The following THSD7B variants were observed in gnomAD, a reference collection of about 807,000 sequenced individuals.
THSD7B encodes thrombospondin type-1 domain-containing protein 7B.
THSD7B carries 138 observed loss-of-function variants against 213.6 expected under a neutral mutation model. The ratio of observed to expected loss-of-function variants is 0.65; its 90% confidence interval spans 0.56 to 0.74. The LOEUF is 0.74. THSD7B is among the 30% of genes least tolerant of loss of function. The probability of loss-of-function intolerance (pLI) is 0.00; values close to 1 mark genes in which losing one functional copy is unlikely to be tolerated. For missense variants in THSD7B, 1,931 were observed against 1,991.5 expected (o/e 0.97, Z 0.58); for synonymous variants, 742 against 687.0 (o/e 1.08, Z -1.25).
intron 14 of THSD7B, among the ~76,000 whole-genome samples, chr2:137,448,090 T>C (rs1687576144): frequency 6.6e-6 from 1 of 152,210 alleles, no homozygotes; most frequent in Non-Finnish European, 1.5e-5. Flanking sequence ...AAGAGCTGTC[T>C]GTGGAATCAG....
intron 2 of THSD7B, among the ~76,000 whole-genome samples, chr2:136,976,047 A>G (rs1054602512): frequency 6.6e-6 from 1 of 152,140 alleles, no homozygotes; most frequent in African/African-American, 2.4e-5. Flanking sequence ...GTATCCTGAG[A>G]CTTTGCTGAA....
chr2:137,371,992 C>T (rs1385844518), intron 12 of THSD7B, among the ~76,000 whole-genome samples: 7 of 152,162 alleles, frequency 4.6e-5, no homozygotes, highest in Admixed American at 2.6e-4. Flanking sequence ...GGTAATCCTT[C>T]GGTTTCTGTT....
At chr2:137,529,468 A>T in intron 15 of THSD7B, among the ~76,000 whole-genome samples, 1 of 150,674 alleles carries the variant, frequency 6.6e-6, no homozygotes, top group Non-Finnish European at 1.5e-5. Flanking sequence ...GGGAGGCCTC[A>T]TAAAGAAGGT....
At chr2:136,913,967 C>T (rs1684309157) in intron 2 of THSD7B, among the ~76,000 whole-genome samples, 1 of 152,176 alleles carries the variant, frequency 6.6e-6, no homozygotes, top group African/African-American at 2.4e-5. Context: ...AATTGTAGAT[C>T]CACTGACAGC....
chr2:137,400,090 T>C (rs2104995321), intron 12 of THSD7B, among the ~76,000 whole-genome samples: 1 of 152,302 alleles, frequency 6.6e-6, no homozygotes, highest in East Asian at 1.9e-4. Context: ...TTCATTCATA[T>C]CCTAAATTGA....
chr2:136,881,944 A>G (rs1276604532), intron 1 of THSD7B, among the ~76,000 whole-genome samples, 200 bp from the exon 2 acceptor site: 1 of 152,178 alleles, frequency 6.6e-6, no homozygotes, highest in East Asian at 1.9e-4. Context: ...CTTCACTACA[A>G]AAAATAATAC....
intron 12 of THSD7B, among the ~76,000 whole-genome samples, chr2:137,388,213 T>C (rs914827794): frequency 1.4e-4 from 22 of 152,162 alleles, no homozygotes; most frequent in African/African-American, 5.1e-4. Flanking sequence ...CCAGGGCTCA[T>C]GTACTAAGTG....
chr2:137,513,433 A>T (rs910808415), intron 15 of THSD7B, among the ~76,000 whole-genome samples: 1 of 152,222 alleles, frequency 6.6e-6, no homozygotes, highest in African/African-American at 2.4e-5. Context: ...GGCTTGATCA[A>T]TGAGGCATAA....
intron 2 of THSD7B, among the ~76,000 whole-genome samples, chr2:137,017,673 G>C (rs561186346): frequency 1.3e-5 from 2 of 152,188 alleles, no homozygotes; most frequent in South Asian, 4.2e-4. Context: ...ATCCCTTATG[G>C]TCTGTCACTC....
chr2:137,658,757 G>A (rs1417615131), intron 24 of THSD7B, among the ~76,000 whole-genome samples: 2 of 152,208 alleles, frequency 1.3e-5, no homozygotes, highest in Non-Finnish European at 2.9e-5. Flanking sequence ...GAATTTAGCT[G>A]CTTCATTCCC....
chr2:137,479,651 G>C (rs924562317), intron 15 of THSD7B, among the ~76,000 whole-genome samples: 1 of 152,164 alleles, frequency 6.6e-6, no homozygotes, highest in Admixed American at 6.5e-5. Flanking sequence ...GGGATAGTGG[G>C]GGTTGCTGCC....
chr2:136,827,975 G>T (rs72977520), intron 1 of THSD7B, among the ~76,000 whole-genome samples: 12,620 of 151,980 alleles, frequency 0.083, 660 homozygotes, highest in East Asian at 0.2. Context: ...TGTATGTCTT[G>T]TTTGTGTCTG....
At chr2:137,073,337 A>G (rs1376164033) in intron 3 of THSD7B, among the ~76,000 whole-genome samples, 8 of 151,942 alleles carry the variant, frequency 5.3e-5, no homozygotes, top group African/African-American at 1.7e-4. Context: ...TCTTGGGAGG[A>G]TGTATGTGTC....
intron 12 of THSD7B, among the ~76,000 whole-genome samples, chr2:137,290,280 A>G (rs888127534): frequency 6.6e-6 from 1 of 151,996 alleles, no homozygotes. Context: ...TAGTAGAGAA[A>G]GGGTTTCACC....
intron 4 of THSD7B, among the ~76,000 whole-genome samples, chr2:137,114,313 G>A (rs899910106): frequency 4.6e-5 from 7 of 152,100 alleles, no homozygotes; most frequent in Admixed American, 1.3e-4. Context: ...TAAAGAATAC[G>A]GTAATAATCC....
At position 137,242,504 on chromosome 2, in the gene THSD7B, C is replaced by T. The variant is rs747661487; in HGVS notation, c.2198C>T (p.Pro733Leu). ...GAAACTGTGCGCCCCTGTTTTCTCC[C>T]ATGCAAAAAAGACTGTATTGTGACT... Reference protein sequence around the residue: ...RPETVRPCFLPCKKDCIVTAF... With the variant: ...RPETVRPCFLLCKKDCIVTAF... Residue 733 changes from proline (P) to leucine (L), a missense_variant, in exon 10 of 28, where the codon CCA becomes CTA. Physicochemically the swap from Pro to Leu is moderately conservative, Grantham distance 98. Transcript: ENST00000409968. The T allele has an allele frequency of 2.9e-5, 46 of 1,613,724 alleles. No homozygotes were observed. In the Admixed American group the frequency reaches 7.5e-4, roughly 26 times the overall value.
At chr2:136,991,344 A>G (rs1685779962) in intron 2 of THSD7B, among the ~76,000 whole-genome samples, 1 of 152,220 alleles carries the variant, frequency 6.6e-6, no homozygotes, top group African/African-American at 2.4e-5. Flanking sequence ...ATATGCTTCT[A>G]TGATAATAGA....
At chr2:137,286,097 T>TAAA in intron 12 of THSD7B, among the ~76,000 whole-genome samples, 1 of 121,082 alleles carries the variant, frequency 8.3e-6, no homozygotes, top group African/African-American at 3.0e-5. Flanking sequence ...AGACTCTGTC[T>TAAA]AAAAAAAAAA....
At chr2:136,775,648 A>G (rs1302644476) in intron 1 of THSD7B, among the ~76,000 whole-genome samples, 2 of 152,116 alleles carry the variant, frequency 1.3e-5, no homozygotes, top group East Asian at 1.9e-4. Flanking sequence ...GTATGCCTGC[A>G]TAGGGCTCCC....
Sources: gnomAD v4.1 joint callset for allele counts (sites outside exome capture counted in the v4.1 genomes callset) on GRCh38, gnomAD v4.1.1 for gene constraint, MANE v1.5 for transcripts, NCBI Gene and HGNC (gene_info 2026-07-23, HGNC 2026-07-21) for gene names.